SETD5: variants seen among roughly 807,000 people sequenced by gnomAD.
The protein encoded by SETD5 is histone-lysine N-methyltransferase SETD5.
A neutral mutation model predicts 153.3 loss-of-function variants in SETD5; 44 were observed. The ratio of observed to expected loss-of-function variants is 0.29; its 90% CI spans 0.23 to 0.37. The LOEUF (loss-of-function observed/expected upper bound fraction) is 0.37, where lower values mean the gene tolerates loss of function less well. Among genes scored for constraint, SETD5 ranks in the 10% least tolerant of loss-of-function variants. The pLI is 1.00. For synonymous variants in SETD5, 716 were observed against 645.2 expected (o/e 1.11, Z -1.66); for missense variants, 1,544 against 1,768.0 (o/e 0.87, Z 2.27).
chr3:9,446,343 A>G (rs1389127954), intron 13 of SETD5, among the ~76,000 whole-genome samples: 2 of 151,826 alleles, frequency 1.3e-5, no homozygotes, highest in Admixed American at 6.6e-5. Context: ...TCAGAATCAA[A>G]ATGTATTATA....
At chr3:9,425,448 C>T (rs1201927643) in intron 2 of SETD5, among the ~76,000 whole-genome samples, 1 of 152,124 alleles carries the variant, frequency 6.6e-6, no homozygotes, top group Non-Finnish European at 1.5e-5. Context: ...CATTTATTCA[C>T]TCATTAAGAT....
intron 3 of SETD5, chr3:9,431,674 C>A (rs2039980896): frequency 1.0e-6 from 1 of 985,596 alleles, no homozygotes; most frequent in Non-Finnish European, 1.2e-6. Context: ...GGCCTTTTAA[C>A]CTCCACAATA....
At chr3:9,473,172 G>C in intron 19 of SETD5, 64 bp from the exon 20 acceptor site, 1 of 1,521,274 alleles carries the variant, frequency 6.6e-7, no homozygotes, top group Non-Finnish European at 8.9e-7. Context: ...CCCTGTTGCT[G>C]GTGATCCACT....
At chr3:9,445,988 T>TTTTTTTTTTTTTTTTTTTTA (rs1260243657) in intron 13 of SETD5, among the ~76,000 whole-genome samples, 1 of 145,620 alleles carries the variant, frequency 6.9e-6, no homozygotes, top group African/African-American at 2.6e-5. Context: ...TTTTTTTTTT[T>TTTTTTTTTTTTTTTTTTTTA]ACTAACAATC....
At chr3:9,425,051 G>GTTTTTTTTTTTTTTTTTTTTTTT (rs1559380190) in intron 2 of SETD5, among the ~76,000 whole-genome samples, 3 of 91,454 alleles carry the variant, frequency 3.3e-5, no homozygotes, top group African/African-American at 1.5e-4. Flanking sequence ...TACCGACAAT[G>GTTTTTTTTTTTTTTTTTTTTTTT]TTTCTTTTTT....
intron 1 of SETD5, among the ~76,000 whole-genome samples, chr3:9,415,944 A>G (rs1447462396): frequency 4.0e-5 from 6 of 149,698 alleles, no homozygotes; most frequent in African/African-American, 1.2e-4. Flanking sequence ...GCGCAATCTC[A>G]GTTCACTGCA....
chr3:9,433,780 G>A, intron 3 of SETD5, 65 bp from the exon 4 acceptor site: 1 of 1,494,680 alleles, frequency 6.7e-7, no homozygotes, highest in Non-Finnish European at 9.3e-7. Context: ...AATGGGAAAT[G>A]AAGTGTTAGT....
chr3:9,441,059 A>AC (rs1044859215), intron 8 of SETD5, among the ~76,000 whole-genome samples: 11 of 152,112 alleles, frequency 7.2e-5, no homozygotes, highest in Non-Finnish European at 1.2e-4. Context: ...AAAAAAAAAA[A>AC]ATTAAAAGCC....
rs377153950 is a variant in SETD5, at chr3:9,427,050, A to AT, written c.-116-1766dup. ...GCACACATCACCATGGCTGGCTGAT[A>AT]TTTTTTTACTATTTTTGTAGAGTTG... On this transcript the variant is annotated intron_variant, in intron 2 of 22. Coordinates refer to ENST00000402198, the MANE Select transcript of SETD5 (RefSeq NM_001080517.3). Among the ~76,000 whole-genome samples, 326 of 151,900 alleles carry AT rather than the reference A, an allele frequency of 2.1e-3. 4 individuals are homozygous for AT. Among genetic ancestry groups the AT allele is most frequent in the African/African-American group, 7.0e-3 (291 of 41,432 alleles).
chr3:9,406,196 T>A (rs1260808679), intron 1 of SETD5, among the ~76,000 whole-genome samples: 1 of 152,158 alleles, frequency 6.6e-6, no homozygotes. Flanking sequence ...TATGGTAACA[T>A]TTGGGGTAGA....
intron 18 of SETD5, 167 bp downstream of exon 18, chr3:9,464,839 C>T: frequency 9.6e-7 from 1 of 1,046,428 alleles, no homozygotes; most frequent in South Asian, 1.5e-5. Context: ...CTGGTAGCCT[C>T]TCATCTTGGC....
At chr3:9,398,206 C>CTCCCCCT (rs1303721353) in intron 1 of SETD5, 1 of 151,574 alleles carries the variant, frequency 6.6e-6, no homozygotes, top group Non-Finnish European at 1.5e-5. Context: ...GGCGACCCAA[C>CTCCCCCT]TCCCCCTTTC....
intron 1 of SETD5, among the ~76,000 whole-genome samples, chr3:9,399,064 C>T (rs547217616): frequency 6.6e-6 from 1 of 152,352 alleles, no homozygotes; most frequent in African/African-American, 2.4e-5. Context: ...CTCCAGTTTC[C>T]TTCCTGCACA....
At chr3:9,425,055 C>CTTTTTTTTTTTTTTTTTTTT (rs778883904) in intron 2 of SETD5, among the ~76,000 whole-genome samples, 8 of 83,640 alleles carry the variant, frequency 9.6e-5, no homozygotes, top group African/African-American at 3.4e-4. Flanking sequence ...GACAATGTTT[C>CTTTTTTTTTTTTTTTTTTTT]TTTTTTTTTT....
rs1408697702 is a variant in SETD5 at position 9,397,676 on chromosome 3, G to GCCC, written c.-476_-475insCCC. On this transcript the variant is annotated 5_prime_UTR_variant, in exon 1 of 23. Coordinates refer to ENST00000402198, the MANE Select transcript of SETD5 (RefSeq NM_001080517.3). ...TGCCGCCGCCGCCGCCGCCGCCGCC[G>GCCC]CCGCCGCCGCTGCCGGGGGAGGGGC... 2 of 180,580 alleles carry GCCC rather than the reference G, an allele frequency of 1.1e-5. No homozygotes were observed. Among genetic ancestry groups the GCCC allele is most frequent in the Non-Finnish European group, 2.2e-5 (2 of 91,592 alleles). The allele number at this position is 180,580 out of a possible 1,614,324, so 11.2% of individuals were successfully genotyped here.
intron 16 of SETD5, among the ~76,000 whole-genome samples, chr3:9,453,311 G>A (rs1482208052): frequency 2.0e-5 from 3 of 152,012 alleles, no homozygotes; most frequent in Non-Finnish European, 2.9e-5. Context: ...CTCTTCACAC[G>A]TCTCTAGCAC....
chr3:9,445,197 G>A lies in SETD5; in HGVS notation c.1337G>A (p.Arg446Gln), dbSNP rs776804696. The change falls in exon 12 of 23, where the codon CGG (arginine) becomes CAG (glutamine). Residue 446 changes from arginine (R) to glutamine (Q), a missense_variant. By Grantham distance (43) the Arg-to-Gln change is conservative. Coordinates refer to ENST00000402198, the MANE Select transcript of SETD5 (RefSeq NM_001080517.3). ...GAETRRRKAR[R>Q]KELEMEQQNE... ...GAGACTAGACGTAGAAAAGCACGACGGAAAGAGCTAGAGATGGAGCAGCAG... is the reference window on the plus strand; with the variant it reads ...GAGACTAGACGTAGAAAAGCACGACAGAAAGAGCTAGAGATGGAGCAGCAG... 6.8e-6 allele frequency: 11 copies of A among 1,613,618 alleles called. No homozygotes were observed. The highest frequency in any genetic ancestry group is 1.3e-5 in the African/African-American group (1 of 74,916).
intron 1 of SETD5, among the ~76,000 whole-genome samples, chr3:9,420,529 A>G (rs1207225289): frequency 6.6e-6 from 1 of 152,162 alleles, no homozygotes; most frequent in Admixed American, 6.5e-5. Context: ...CAAGGAATAA[A>G]CTGGTATTGT....
intron 1 of SETD5, among the ~76,000 whole-genome samples, chr3:9,400,474 GTC>G (rs903317668): frequency 1.3e-5 from 2 of 152,078 alleles, no homozygotes; most frequent in African/African-American, 4.8e-5. Flanking sequence ...TTTGTTATGT[GTC>G]TCCATCCTTT....
Sources: allele counts gnomAD v4.1 joint callset (sites outside exome capture counted in the v4.1 genomes callset), GRCh38; gene constraint gnomAD v4.1.1; transcripts MANE v1.5; gene names NCBI Gene and HGNC (gene_info 2026-07-23, HGNC 2026-07-21).